TAF15: variants seen among roughly 807,000 people sequenced by gnomAD.
TAF15 encodes the protein TATA-box binding protein associated factor 15.
A neutral mutation model predicts 102.5 loss-of-function variants in TAF15; 37 were observed. The observed-to-expected ratio is 0.36, with a 90% CI of 0.28 to 0.47. The LOEUF is 0.47. TAF15 is among the 20% of genes least tolerant of loss of function. TAF15 has a pLI of 0.99. For synonymous variants in TAF15, 273 were observed against 259.2 expected, an observed-to-expected ratio of 1.05 and a Z score of -0.51; for missense variants, 652 against 760.7, an observed-to-expected ratio of 0.86 and a Z score of 1.68.
intron 11 of TAF15, among the ~76,000 whole-genome samples, chr17:35,841,434 G>GT (rs1224037356): frequency 3.3e-5 from 5 of 149,576 alleles, no homozygotes; most frequent in East Asian, 2.0e-4. Flanking sequence ...ACAGGTTTTA[G>GT]TTTTTTTTTC....
At position 35,844,728 on chromosome 17, in the gene TAF15, G is replaced by C. The variant is rs1009603479; in HGVS notation, c.1429G>C (p.Gly477Arg). The stretch of plus-strand genomic sequence containing the variant: ...AGGCGGCTATGGAGGAGACCGAGGA[G>C]GTGGCTATGGAGGAGATCGAGGTGG... The part of the protein sequence containing the change: ...RGGGYGGDRG[G>R]GYGGDRGGYG... The change falls in exon 15 of 16, where the codon GGT becomes CGT. Residue 477 changes from glycine (G) to arginine (R), a missense_variant. This residue lies in a region of TAF15 where 368 missense variants were observed against 367.5 expected (regional missense o/e 1.00). Transcript: ENST00000605844. The C allele has an allele frequency of 3.7e-6, 6 of 1,600,052 alleles. No individual in the cohort carries two copies. The highest frequency in any genetic ancestry group is 3.4e-5 in the Admixed American group (2 of 59,268).
In TAF15 at chr17:35,836,166, C is replaced by T; in HGVS notation, c.708C>T (p.Ile236=). ...CTGATAATTCAGATAACAACACAAT[C>T]TTTGTGCAAGGACTTGGGGAGGGTG... ...SESDNSDNNT[I]FVQGLGEGVS... The change falls in exon 10 of 16, where the codon ATC becomes ATT. Residue 236 remains isoleucine (I), a synonymous_variant. Coordinates refer to ENST00000605844, the MANE Select transcript of TAF15 (RefSeq NM_139215.3). 6.2e-7 allele frequency: 1 copy of T among 1,613,716 alleles called. No homozygotes were observed. The highest frequency in any genetic ancestry group is 8.5e-7 in the Non-Finnish European group (1 of 1,179,756).
At chr17:35,815,587 C>G (rs1005605741) in intron 1 of TAF15, among the ~76,000 whole-genome samples, 11 of 152,070 alleles carry the variant, frequency 7.2e-5, no homozygotes, top group African/African-American at 2.4e-4. Flanking sequence ...TTTGCCTGAA[C>G]CTAAAGAAAA....
chr17:35,834,821 C>G (rs2087454573), intron 9 of TAF15, among the ~76,000 whole-genome samples: 1 of 143,002 alleles, frequency 7.0e-6, no homozygotes, highest in African/African-American at 2.7e-5. Context: ...TCTTGGCTCA[C>G]TGCAGCCCCC....
intron 10 of TAF15, among the ~76,000 whole-genome samples, chr17:35,837,354 A>G (rs1568272842): frequency 1.3e-5 from 2 of 150,350 alleles, no homozygotes; most frequent in African/African-American, 4.9e-5. Context: ...GAGTCTCCCT[A>G]TTATTGCCCA....
rs2087279733 is a variant in TAF15, at chr17:35,822,821, C to T, written c.472C>T (p.His158Tyr). 1 of 1,614,140 alleles carries T rather than the reference C, an allele frequency of 6.2e-7. No individual in the cohort carries two copies. The highest frequency in any genetic ancestry group is 1.6e-4 in the Middle Eastern group (1 of 6,062). The part of the protein sequence containing the change: ...SYHSQRENYS[H>Y]HTQDDRRDVS... ...TCATTCACAAAGGGAAAACTACAGC[C>T]ACCACACACAAGGTAAGATTTACTG... The change falls in exon 6 of 16, where the codon CAC becomes TAC. Residue 158 changes from histidine to tyrosine, a missense_variant. His to Tyr is a moderately conservative substitution (Grantham distance 83). Transcript: ENST00000605844.
intron 10 of TAF15, among the ~76,000 whole-genome samples, chr17:35,837,238 A>G (rs2087486517): frequency 1.3e-5 from 2 of 152,066 alleles, no homozygotes; most frequent in Non-Finnish European, 1.5e-5. Flanking sequence ...TGCAGCCTCA[A>G]TCTCCTGGGC....
intron 7 of TAF15, among the ~76,000 whole-genome samples, chr17:35,829,618 C>G (rs1478806705): frequency 5.5e-5 from 6 of 109,910 alleles, no homozygotes; most frequent in Non-Finnish European, 5.0e-5. Context: ...GGAGACAGAG[C>G]GAGACTCCAT....
At chr17:35,837,824 C>T (rs532372226) in intron 10 of TAF15, among the ~76,000 whole-genome samples, 1 of 151,800 alleles carries the variant, frequency 6.6e-6, no homozygotes, top group South Asian at 2.1e-4. Context: ...GAGACTCCAC[C>T]TCAAAAAAAA....
chr17:35,834,740 C>CTGTTTTTTTTTTTTTTTTTTTT (rs2087451676), intron 9 of TAF15, 142 bp downstream of exon 9: 1 of 212,936 alleles, frequency 4.7e-6, no homozygotes, highest in East Asian at 1.4e-4. Context: ...AGCTTTATTT[C>CTGTTTTTTTTTTTTTTTTTTTT]TTTTTTTTTT....
At chr17:35,821,377 A>G (rs935894213) in intron 5 of TAF15, among the ~76,000 whole-genome samples, 9 of 152,208 alleles carry the variant, frequency 5.9e-5, no homozygotes, top group African/African-American at 2.2e-4. Context: ...GAATCGTTTT[A>G]TAAATGATGT....
chr17:35,810,518 G>A (rs2087113096), intron 1 of TAF15: 1 of 152,192 alleles, frequency 6.6e-6, no homozygotes, highest in Admixed American at 6.5e-5. Flanking sequence ...GTCCTCTATT[G>A]TTAGGCTGCA....
At chr17:35,811,489 G>A (rs1403204736) in intron 1 of TAF15, 1 of 152,136 alleles carries the variant, frequency 6.6e-6, no homozygotes, top group Non-Finnish European at 1.5e-5. Context: ...TATATGTTTT[G>A]TAATAAGTGT....
chr17:35,845,421 A>AT (rs1027563880), intron 15 of TAF15, among the ~76,000 whole-genome samples: 3 of 151,836 alleles, frequency 2.0e-5, no homozygotes, highest in African/African-American at 7.2e-5. Context: ...CACCTCGCCA[A>AT]TTTTTTTTAT....
intron 7 of TAF15, among the ~76,000 whole-genome samples, chr17:35,824,488 C>G (rs1178343600): frequency 6.6e-6 from 1 of 152,114 alleles, no homozygotes; most frequent in Non-Finnish European, 1.5e-5. Context: ...CCTGCCAGAG[C>G]TAGAATCTTA....
rs138481273 is a variant in TAF15 at position 35,829,501 on chromosome 17, G to A, written c.606-4406G>A. Among the ~76,000 whole-genome samples, 1,311 of 150,522 alleles carry A rather than the reference G, an allele frequency of 8.7e-3. 23 individuals are homozygous for A. Among genetic ancestry groups the A allele is most frequent in the African/African-American group, 0.029 (1,197 of 41,060 alleles). The stretch of plus-strand genomic sequence containing the variant: ...CAAAAAATTAGCCGGGCGTGGTGGC[G>A]GGCACTTGTAGTCCCAGCTACTCGG... On this transcript the variant is annotated intron_variant, in intron 7 of 15. Coordinates refer to ENST00000605844, the MANE Select transcript of TAF15 (RefSeq NM_139215.3).
At chr17:35,823,587 C>T (rs1598527413) in intron 6 of TAF15, 2 of 173,720 alleles carry the variant, frequency 1.2e-5, no homozygotes, top group East Asian at 3.2e-4. Context: ...CACCTGTAGT[C>T]CCAGCTACTC....
intron 1 of TAF15, among the ~76,000 whole-genome samples, chr17:35,814,004 G>GTTT (rs578071499): frequency 8.6e-4 from 130 of 151,670 alleles, no homozygotes; most frequent in Middle Eastern, 3.4e-3. Flanking sequence ...TGTTGTTGTT[G>GTTT]TTGTTGTTTT....
chr17:35,838,402 A>G, intron 10 of TAF15, 22 bp from the exon 11 acceptor site: 1 of 1,613,974 alleles, frequency 6.2e-7, no homozygotes, highest in Non-Finnish European at 8.5e-7. Context: ...TGCTAACACC[A>G]AGTGTTTCTG....
Sources: allele counts gnomAD v4.1 joint callset (sites outside exome capture counted in the v4.1 genomes callset), GRCh38; gene constraint gnomAD v4.1.1; regional missense constraint gnomAD v4.1.1; transcripts MANE v1.5; gene names NCBI Gene and HGNC (gene_info 2026-07-23, HGNC 2026-07-21).